ZNF236: variants seen among roughly 807,000 people sequenced by gnomAD.
ZNF236 encodes the protein zinc finger protein 236, also known as regulated by glucose.
ZNF236 carries 50 observed loss-of-function variants against 191.2 expected under a neutral mutation model. The ratio of observed to expected loss-of-function variants is 0.26; its 90% CI spans 0.21 to 0.33. The LOEUF is 0.33. ZNF236 is among the 10% of genes least tolerant of loss of function. The pLI is 1.00. For missense variants in ZNF236, 1,754 were observed against 2,374.5 expected, an observed-to-expected ratio of 0.74 and a Z score of 5.43; for synonymous variants, 907 against 928.8, an observed-to-expected ratio of 0.98 and a Z score of 0.43.
chr18:76,933,087 T>C (rs1372857837), intron 25 of ZNF236, among the ~76,000 whole-genome samples: 1 of 152,234 alleles, frequency 6.6e-6, no homozygotes, highest in African/African-American at 2.4e-5. Flanking sequence ...CCACATGTTA[T>C]GCAGCTGACA....
chr18:76,934,890 G>A (rs1967954678), intron 25 of ZNF236, among the ~76,000 whole-genome samples: 1 of 152,216 alleles, frequency 6.6e-6, no homozygotes, highest in African/African-American at 2.4e-5. Flanking sequence ...AAGCTATGAG[G>A]TGATATCCCA....
chr18:76,856,163 G>A (rs1180669636), intron 3 of ZNF236, among the ~76,000 whole-genome samples: 1 of 151,034 alleles, frequency 6.6e-6, no homozygotes, highest in Non-Finnish European at 1.5e-5. Flanking sequence ...GATTATAGGC[G>A]TGAGCCACTG....
chr18:76,891,083 C>T (rs968676747), intron 9 of ZNF236, among the ~76,000 whole-genome samples: 3 of 152,152 alleles, frequency 2.0e-5, no homozygotes, highest in African/African-American at 7.2e-5. Context: ...GGCAAGTCTT[C>T]TGGTCAACAG....
chr18:76,852,953 C>G (rs1048441885), intron 3 of ZNF236, among the ~76,000 whole-genome samples: 5 of 152,252 alleles, frequency 3.3e-5, no homozygotes, highest in Admixed American at 6.5e-5. Context: ...AACTCCCTGT[C>G]AGCCACACGC....
intron 27 of ZNF236, among the ~76,000 whole-genome samples, chr18:76,952,339 A>G (rs140979332): frequency 6.6e-6 from 1 of 152,230 alleles, no homozygotes; most frequent in East Asian, 1.9e-4. Context: ...GTTTGCCAAC[A>G]TTAATTGGTT....
chr18:76,964,792 A>G (rs1230698317), intron 30 of ZNF236, among the ~76,000 whole-genome samples: 2 of 152,134 alleles, frequency 1.3e-5, no homozygotes, highest in South Asian at 2.1e-4. Context: ...CCTGTTGGAC[A>G]ACGCCTTTTA....
At position 76,927,463 on chromosome 18, in the gene ZNF236, C is replaced by A. The variant is rs994489214; in HGVS notation, c.4360C>A (p.Leu1454Met). Residue 1454 changes from leucine to methionine, a missense_variant, in exon 24 of 31, where the codon CTG (leucine) becomes ATG (methionine). By Grantham distance (15) the Leu-to-Met change is conservative (BLOSUM62 2). Coordinates refer to ENST00000320610, the MANE Select transcript of ZNF236 (RefSeq NM_001306089.2). This position sits in a 1 kb window ranked among gnomAD's most constrained non-coding sequence, Gnocchi z 5.4. ...SLQPTVTSANLTIGPLSEQDS... is the reference protein window; with the variant it reads ...SLQPTVTSANMTIGPLSEQDS... Reference sequence around the variant, plus strand: ...ACAGCCCACAGTGACCTCTGCGAACCTGACCATAGGCCCGCTGTCTGAGCA... The same window carrying A: ...ACAGCCCACAGTGACCTCTGCGAACATGACCATAGGCCCGCTGTCTGAGCA... The A allele has an allele frequency of 6.2e-7, 1 of 1,614,092 alleles. No individual in the cohort carries two copies. The highest frequency in any genetic ancestry group is 1.7e-5 in the Admixed American group (1 of 60,012).
intron 19 of ZNF236, among the ~76,000 whole-genome samples, chr18:76,917,283 T>C (rs955000777): frequency 6.6e-6 from 1 of 152,210 alleles, no homozygotes; most frequent in Non-Finnish European, 1.5e-5. Flanking sequence ...CTATAGGACA[T>C]CCAGGCATTA....
At position 76,968,517 on chromosome 18, in the gene ZNF236, A is replaced by G; in HGVS notation, c.*178A>G. 7.3e-7 allele frequency: 1 copy of G among 1,375,338 alleles called. No homozygotes were observed. The highest frequency in any genetic ancestry group is 1.5e-5 in the African/African-American group (1 of 66,414). The allele number at this position is 1,375,338 out of a possible 1,614,324, so 85.2% of individuals were successfully genotyped here. ...AGACTCATAGGAAAAAAAAACTAGGAAAAGTGTCACCGCATTGTTCTCTTT... is the reference window on the plus strand; with the variant it reads ...AGACTCATAGGAAAAAAAAACTAGGGAAAGTGTCACCGCATTGTTCTCTTT... On this transcript the variant is annotated 3_prime_UTR_variant, in exon 31 of 31. Coordinates refer to ENST00000320610, the MANE Select transcript of ZNF236 (RefSeq NM_001306089.2).
At chr18:76,920,698 C>A (rs1048951904) in intron 20 of ZNF236, among the ~76,000 whole-genome samples, 1 of 152,162 alleles carries the variant, frequency 6.6e-6, no homozygotes, top group African/African-American at 2.4e-5. Context: ...CAGCAGGCGC[C>A]CTCCTGCCTC....
At position 76,972,635 on chromosome 18, in the gene ZNF236, G is replaced by A. The variant is rs1049641383; in HGVS notation, c.*4296G>A. On this transcript the variant is annotated 3_prime_UTR_variant, in exon 31 of 31. Coordinates refer to ENST00000320610, the MANE Select transcript of ZNF236 (RefSeq NM_001306089.2). ...GTGTAACACTTTACAGCATGAAGAC[G>A]TATTCTATCAATATTTGTATCATAA... 4.6e-5 allele frequency among the ~76,000 whole-genome samples: 7 copies of A among 152,250 alleles called. 1 individual carries two copies. The Middle Eastern group carries it at 0.01, about 222-fold the overall frequency.
chr18:76,911,699 T>A (rs1179504854), intron 16 of ZNF236, among the ~76,000 whole-genome samples: 2 of 151,006 alleles, frequency 1.3e-5, no homozygotes, highest in East Asian at 3.8e-4. Flanking sequence ...CTACTCAGTG[T>A]GAGCATGGAT....
chr18:76,871,685 C>A lies in ZNF236; in HGVS notation c.543-16C>A, dbSNP rs755223372. On this transcript the variant is annotated splice_polypyrimidine_tract_variant and intron_variant, in intron 4 of 30. Coordinates refer to ENST00000320610, the MANE Select transcript of ZNF236 (RefSeq NM_001306089.2). ...AGACATCTTACTGTGTATTTTGCCC[C>A]CCTTTATTACACTAGGGTATCAAGT... The A allele has an allele frequency of 6.2e-7, 1 of 1,613,720 alleles. No homozygotes were observed. Among genetic ancestry groups the A allele is most frequent in the Non-Finnish European group, 8.5e-7 (1 of 1,179,796 alleles).
At chr18:76,907,537 C>G (rs1167862516) in intron 13 of ZNF236, among the ~76,000 whole-genome samples, 1 of 152,170 alleles carries the variant, frequency 6.6e-6, no homozygotes, top group African/African-American at 2.4e-5. Context: ...CCATGTTGGC[C>G]AGGCTGGCCT....
intron 28 of ZNF236, among the ~76,000 whole-genome samples, chr18:76,957,852 C>G (rs1968557867): frequency 6.6e-6 from 1 of 152,186 alleles, no homozygotes; most frequent in Admixed American, 6.5e-5. Flanking sequence ...TAGACAATAC[C>G]ATTCTGGACA....
chr18:76,873,940 G>C (rs981079723), intron 5 of ZNF236, among the ~76,000 whole-genome samples: 2 of 150,428 alleles, frequency 1.3e-5, no homozygotes, highest in Non-Finnish European at 3.0e-5. Context: ...CACTCTCACT[G>C]TGCCTCCTGC....
At chr18:76,900,923 GAA>G (rs1306073799) in intron 11 of ZNF236, among the ~76,000 whole-genome samples, 2 of 152,204 alleles carry the variant, frequency 1.3e-5, no homozygotes, top group Non-Finnish European at 2.9e-5. Flanking sequence ...AGATGTCAGA[GAA>G]TCAGACATTA....
chr18:76,910,243 C>A, intron 15 of ZNF236, 74 bp downstream of exon 15: 2 of 1,288,528 alleles, frequency 1.6e-6, no homozygotes, highest in Non-Finnish European at 2.2e-6. Context: ...GACAACCTTA[C>A]ATGTTTTCTC....
chr18:76,947,848 C>T (rs1297150615), intron 27 of ZNF236, among the ~76,000 whole-genome samples, 196 bp downstream of exon 27: 1 of 152,076 alleles, frequency 6.6e-6, no homozygotes, highest in African/African-American at 2.4e-5. Flanking sequence ...TACGATATCT[C>T]ATTCGTTTTG....
Sources: allele counts gnomAD v4.1 joint callset (sites outside exome capture counted in the v4.1 genomes callset), GRCh38; gene constraint gnomAD v4.1.1; non-coding constraint Gnocchi (gnomAD v3.1); transcripts MANE v1.5; gene names NCBI Gene and HGNC (gene_info 2026-07-23, HGNC 2026-07-21).